VWA8: variants seen among roughly 807,000 people sequenced by gnomAD.
VWA8 encodes the protein von Willebrand factor A domain-containing protein 8.
VWA8 carries 221 observed loss-of-function variants against 241.5 expected under a neutral mutation model. That is an observed-to-expected ratio of 0.91 (90% CI 0.82 to 1.02). The LOEUF (loss-of-function observed/expected upper bound fraction) is 1.02, where lower values mean the gene tolerates loss of function less well. VWA8 is among the 50% of genes least tolerant of loss of function. The pLI is 0.00. For missense variants in VWA8, 2,322 were observed against 2,328.7 expected, an observed-to-expected ratio of 1.00 and a Z score of 0.06; for synonymous variants, 852 against 827.1, an observed-to-expected ratio of 1.03 and a Z score of -0.52.
intron 21 of VWA8, among the ~76,000 whole-genome samples, chr13:41,741,907 G>A (rs1215954172): frequency 6.6e-6 from 1 of 152,200 alleles, no homozygotes; most frequent in African/African-American, 2.4e-5. Flanking sequence ...GGACACAGAA[G>A]AGAAGGCAAT....
In VWA8 at chr13:41,831,029, T is replaced by TA. The variant is rs1393026678; in HGVS notation, c.1587-388dup. On this transcript the variant is annotated intron_variant, in intron 13 of 44. Coordinates refer to ENST00000379310, the MANE Select transcript of VWA8 (RefSeq NM_015058.2). The stretch of plus-strand genomic sequence containing the variant: ...TAAAGTAACTCTGTAAGGGTTGGCA[T>TA]AAAAATATTTCTATCTTTGGAATTA... Among the ~76,000 whole-genome samples the TA allele has an allele frequency of 5.3e-5, 8 of 152,292 alleles. No homozygotes were observed. The East Asian group carries it at 1.3e-3, about 26-fold the overall frequency.
In VWA8 at chr13:41,615,060, C is replaced by T. The variant is rs2044612560; in HGVS notation, c.4636G>A (p.Glu1546Lys). 5.6e-6 allele frequency: 9 copies of T among 1,613,962 alleles called. No individual in the cohort carries two copies. Among genetic ancestry groups the T allele is most frequent in the Non-Finnish European group, 6.8e-6 (8 of 1,179,942 alleles). The change falls in exon 38 of 45, where the codon GAA (glutamate) becomes AAA (lysine). Residue 1546 changes from glutamate (E) to lysine (K), a missense_variant. Physicochemically the swap from Glu to Lys is moderately conservative, Grantham distance 56. Transcript: ENST00000379310. ...CCGTGTTTGGGGGAGCTTACATCTT[C>T]ACCACTGTCTCTGTTGATTGTTATC... Reference protein sequence around the residue: ...MQITINRDSGEDVSSPKHGKE... With the variant: ...MQITINRDSGKDVSSPKHGKE...
At chr13:41,784,715 T>TATATATATAC (rs1188815296) in intron 18 of VWA8, among the ~76,000 whole-genome samples, 6 of 62,872 alleles carry the variant, frequency 9.5e-5, no homozygotes, top group African/African-American at 2.2e-4. Context: ...TATATATATA[T>TATATATATAC]ATATATATAT....
intron 2 of VWA8, chr13:41,927,317 T>G (rs1368003573): frequency 1.9e-6 from 1 of 528,852 alleles, no homozygotes; most frequent in African/African-American, 1.9e-5. Flanking sequence ...ACCACTGATA[T>G]GCTGGAAAGC....
chr13:41,821,400 G>A (rs1888558), intron 14 of VWA8, among the ~76,000 whole-genome samples: 11 of 151,926 alleles, frequency 7.2e-5, no homozygotes, highest in African/African-American at 2.7e-4. Flanking sequence ...CTCCCTAAAG[G>A]CTTCCTTACA....
At chr13:41,760,413 T>C (rs2045730983) in intron 21 of VWA8, among the ~76,000 whole-genome samples, 1 of 151,896 alleles carries the variant, frequency 6.6e-6, no homozygotes, top group Non-Finnish European at 1.5e-5. Context: ...AGAAACTAAC[T>C]CTTATAACTC....
intron 21 of VWA8, among the ~76,000 whole-genome samples, chr13:41,746,255 G>A (rs2045605984): frequency 6.6e-6 from 1 of 152,184 alleles, no homozygotes; most frequent in Non-Finnish European, 1.5e-5. Flanking sequence ...CTGTTCTCTA[G>A]TGGCAAGGGA....
chr13:41,741,813 G>A (rs73183360), intron 21 of VWA8, among the ~76,000 whole-genome samples: 1,790 of 152,272 alleles, frequency 0.012, 11 homozygotes, highest in South Asian at 0.018. Flanking sequence ...ATGACACACA[G>A]GGAGATAGAT....
chr13:41,754,583 T>TAA (rs1485189390), intron 21 of VWA8, among the ~76,000 whole-genome samples: 1 of 152,170 alleles, frequency 6.6e-6, no homozygotes. Context: ...CTCAAGCATT[T>TAA]ATCCTTTGTG....
intron 35 of VWA8, among the ~76,000 whole-genome samples, chr13:41,681,832 C>T: frequency 6.6e-6 from 1 of 152,014 alleles, no homozygotes; most frequent in South Asian, 2.1e-4. Flanking sequence ...GACATTTAAA[C>T]TGAGAACTGA....
At chr13:41,872,059 A>T (rs1873653787) in intron 9 of VWA8, among the ~76,000 whole-genome samples, 1 of 152,332 alleles carries the variant, frequency 6.6e-6, no homozygotes, top group South Asian at 2.1e-4. Flanking sequence ...ATGGCCAGTG[A>T]TGATGAGCAT....
At chr13:41,596,338 G>C (rs1208078125) in intron 40 of VWA8, among the ~76,000 whole-genome samples, 1 of 152,052 alleles carries the variant, frequency 6.6e-6, no homozygotes, top group Non-Finnish European at 1.5e-5. Context: ...AATGCTCTTG[G>C]GGGCAATGGG....
intron 12 of VWA8, chr13:41,865,187 T>C (rs992225167): frequency 5.9e-5 from 12 of 204,730 alleles, no homozygotes; most frequent in African/African-American, 9.6e-5. Flanking sequence ...CACTTTGTAA[T>C]TGACACATAA....
At chr13:41,593,969 A>G (rs1182019995) in intron 40 of VWA8, among the ~76,000 whole-genome samples, 1 of 152,060 alleles carries the variant, frequency 6.6e-6, no homozygotes, top group Non-Finnish European at 1.5e-5. Flanking sequence ...TGAAGCATTG[A>G]TTTTCCAAGT....
At chr13:41,804,966 T>C (rs1870118657) in intron 17 of VWA8, among the ~76,000 whole-genome samples, 1 of 152,044 alleles carries the variant, frequency 6.6e-6, no homozygotes, top group South Asian at 2.1e-4. Context: ...AAAATCACTT[T>C]CACTAAAGGA....
chr13:41,633,554 C>A (rs2044738810), intron 37 of VWA8, among the ~76,000 whole-genome samples: 1 of 152,152 alleles, frequency 6.6e-6, no homozygotes. Flanking sequence ...GAAAAGAATA[C>A]CATTGGAATT....
At chr13:41,678,694 C>T (rs1436410933) in intron 35 of VWA8, among the ~76,000 whole-genome samples, 2 of 151,982 alleles carry the variant, frequency 1.3e-5, no homozygotes, top group African/African-American at 4.8e-5. Context: ...TCTTTTTTTT[C>T]CCATATCTTT....
intron 9 of VWA8, among the ~76,000 whole-genome samples, chr13:41,878,035 ATAGTC>A: frequency 6.6e-6 from 1 of 152,244 alleles, no homozygotes; most frequent in Admixed American, 6.5e-5. Flanking sequence ...TTCCTTAAAA[ATAGTC>A]TAATTAAGTA....
At chr13:41,893,935 C>T (rs745888072) in intron 4 of VWA8, among the ~76,000 whole-genome samples, 2 of 151,940 alleles carry the variant, frequency 1.3e-5, no homozygotes, top group Non-Finnish European at 2.9e-5. Context: ...AGCTTTTGCT[C>T]GCAAAAATAT....
Sources: gnomAD v4.1 joint callset for allele counts (sites outside exome capture counted in the v4.1 genomes callset) on GRCh38, gnomAD v4.1.1 for gene constraint, MANE v1.5 for transcripts, NCBI Gene and HGNC (gene_info 2026-07-23, HGNC 2026-07-21) for gene names.